CACNA2D3: variants seen among roughly 807,000 people sequenced by gnomAD.
CACNA2D3 encodes calcium voltage-gated channel auxiliary subunit alpha2delta 3.
CACNA2D3 carries 60 observed loss-of-function variants against 160.6 expected under a neutral mutation model. The observed-to-expected ratio is 0.37, with a 90% CI of 0.30 to 0.46. The LOEUF (loss-of-function observed/expected upper bound fraction) is 0.46, where lower values mean the gene tolerates loss of function less well. CACNA2D3 is among the 20% of genes least tolerant of loss of function. CACNA2D3 has a pLI of 1.00. For missense variants in CACNA2D3, 1,205 were observed against 1,365.0 expected (o/e 0.88, Z 1.85); for synonymous variants, 558 against 492.9 (o/e 1.13, Z -1.75).
chr3:54,782,246 C>T (rs554113930), intron 13 of CACNA2D3, among the ~76,000 whole-genome samples: 1 of 152,278 alleles, frequency 6.6e-6, no homozygotes, highest in East Asian at 1.9e-4. Context: ...TGTATCAAAA[C>T]ATCTACTCTG....
At chr3:54,859,972 GCACACACACACACACACACACA>G (rs1553891454) in intron 17 of CACNA2D3, among the ~76,000 whole-genome samples, 1 of 133,786 alleles carries the variant, frequency 7.5e-6, no homozygotes, top group African/African-American at 2.8e-5. Context: ...GAAAGTAGAT[GCACACACACACACACACACACA>G]CACACACACA....
chr3:54,162,250 A>C (rs1023152845), intron 2 of CACNA2D3, among the ~76,000 whole-genome samples: 2 of 152,182 alleles, frequency 1.3e-5, no homozygotes, highest in African/African-American at 4.8e-5. Flanking sequence ...TGGTGTGCTC[A>C]TGGATTCTGG....
intron 9 of CACNA2D3, among the ~76,000 whole-genome samples, chr3:54,622,419 G>T (rs1699008177): frequency 6.6e-6 from 1 of 152,102 alleles, no homozygotes; most frequent in Non-Finnish European, 1.5e-5. Flanking sequence ...GGGACTACAG[G>T]CGCCCGCCAC....
intron 29 of CACNA2D3, among the ~76,000 whole-genome samples, chr3:54,975,568 G>A (rs1314650433): frequency 6.6e-6 from 1 of 150,874 alleles, no homozygotes. Flanking sequence ...CCCTTTGGTG[G>A]AAATGGAAGC....
At chr3:54,300,577 C>G (rs1020610984) in intron 2 of CACNA2D3, among the ~76,000 whole-genome samples, 2 of 152,182 alleles carry the variant, frequency 1.3e-5, no homozygotes, top group African/African-American at 4.8e-5. Flanking sequence ...CTCCCTGTTT[C>G]CTTCTGTTAA....
intron 8 of CACNA2D3, among the ~76,000 whole-genome samples, chr3:54,579,921 T>A (rs1702646574): frequency 6.6e-6 from 1 of 152,234 alleles, no homozygotes; most frequent in Non-Finnish European, 1.5e-5. Flanking sequence ...ATATAATTTT[T>A]CAAATACTTT....
intron 13 of CACNA2D3, among the ~76,000 whole-genome samples, chr3:54,791,292 G>A (rs1702753777): frequency 6.6e-6 from 1 of 152,148 alleles, no homozygotes; most frequent in Admixed American, 6.5e-5. Context: ...TGTTCAGTAG[G>A]AATATAAAGG....
chr3:55,045,869 A>G (rs1384000479), intron 35 of CACNA2D3, among the ~76,000 whole-genome samples: 2 of 151,750 alleles, frequency 1.3e-5, no homozygotes, highest in Admixed American at 6.6e-5. Context: ...TGATTTCTCT[A>G]TTGTTTTCTA....
At chr3:54,794,077 C>G (rs1702816923) in intron 13 of CACNA2D3, among the ~76,000 whole-genome samples, 1 of 152,024 alleles carries the variant, frequency 6.6e-6, no homozygotes, top group Non-Finnish European at 1.5e-5. Flanking sequence ...CTCCTCTTTC[C>G]TTGATATATA....
intron 5 of CACNA2D3, among the ~76,000 whole-genome samples, chr3:54,534,797 C>T (rs1468745835): frequency 6.6e-6 from 1 of 151,688 alleles, no homozygotes; most frequent in Admixed American, 6.6e-5. Flanking sequence ...CATGGTGGTA[C>T]ATGCCTGTAG....
intron 35 of CACNA2D3, among the ~76,000 whole-genome samples, chr3:55,029,574 T>G (rs923300723): frequency 1.9e-5 from 2 of 105,586 alleles, no homozygotes; most frequent in African/African-American, 5.9e-5. Context: ...GATGGTGAGG[T>G]TTTTTTTGCT....
chr3:54,343,761 T>A (rs1028115808), intron 3 of CACNA2D3, among the ~76,000 whole-genome samples: 6 of 152,184 alleles, frequency 3.9e-5, no homozygotes, highest in South Asian at 2.1e-4. Context: ...ATTCATGGGA[T>A]CTCATTTAGA....
chr3:55,073,881 G>GT (rs1403182757), intron 37 of CACNA2D3, 22 bp downstream of exon 37: 1 of 1,596,566 alleles, frequency 6.3e-7, no homozygotes, highest in African/African-American at 1.3e-5. Flanking sequence ...AACTGTTCCT[G>GT]TTTCCTTTTC....
intron 4 of CACNA2D3, among the ~76,000 whole-genome samples, chr3:54,401,862 G>GATA (rs1349232357): frequency 6.6e-6 from 1 of 152,126 alleles, no homozygotes; most frequent in Admixed American, 6.5e-5. Context: ...TTGTTGATAT[G>GATA]ATACTCTGTA....
intron 4 of CACNA2D3, among the ~76,000 whole-genome samples, chr3:54,474,400 G>A (rs1316561552): frequency 1.3e-5 from 2 of 152,034 alleles, no homozygotes; most frequent in Non-Finnish European, 2.9e-5. Context: ...GCCTGTCAGG[G>A]GGTGGGGGCC....
intron 2 of CACNA2D3, among the ~76,000 whole-genome samples, chr3:54,175,355 G>T (rs1380869945): frequency 4.6e-5 from 7 of 152,036 alleles, no homozygotes; most frequent in Admixed American, 3.9e-4. Flanking sequence ...GGTGGTTTAC[G>T]CCTGTAATCC....
At chr3:54,181,841 C>T (rs1160802884) in intron 2 of CACNA2D3, among the ~76,000 whole-genome samples, 2 of 152,150 alleles carry the variant, frequency 1.3e-5, no homozygotes, top group Non-Finnish European at 2.9e-5. Context: ...AGGACCCCCT[C>T]ATGGCATGAT....
chr3:54,610,931 G>C (rs1698738470), intron 9 of CACNA2D3, among the ~76,000 whole-genome samples: 1 of 152,082 alleles, frequency 6.6e-6, no homozygotes, highest in Non-Finnish European at 1.5e-5. Context: ...ACCCTGCCTG[G>C]ACATTTTTTT....
In CACNA2D3 at chr3:55,018,195, T is replaced by G. The variant is rs1703369806; in HGVS notation, c.2876-11T>G. 6 of 1,574,180 alleles carry G rather than the reference T, an allele frequency of 3.8e-6. No individual in the cohort carries two copies. In the East Asian group the frequency reaches 1.3e-4, roughly 35 times the overall value. ...CATTCTTTACCTTTTTTTTTCCCAC[T>G]ATCCCTACAGCCCAGAAATTGAAAC... On this transcript the variant is annotated splice_polypyrimidine_tract_variant and intron_variant, in intron 34 of 37. Transcript: ENST00000474759.
Sources: gnomAD v4.1 joint callset for allele counts (sites outside exome capture counted in the v4.1 genomes callset) on GRCh38, gnomAD v4.1.1 for gene constraint, MANE v1.5 for transcripts, NCBI Gene and HGNC (gene_info 2026-07-23, HGNC 2026-07-21) for gene names.